The following PDCD6IP variants were observed in gnomAD, a reference collection of about 807,000 sequenced individuals.
PDCD6IP encodes programmed cell death 6 interacting protein.
In PDCD6IP, 43 loss-of-function variants were observed where a neutral mutation model predicts 103.7. That is an observed-to-expected ratio of 0.41 (90% CI 0.32 to 0.53). The LOEUF is 0.53. PDCD6IP is among the 20% of genes least tolerant of loss of function. PDCD6IP has a pLI of 0.16. For missense variants in PDCD6IP, 871 were observed against 1,036.7 expected, an observed-to-expected ratio of 0.84 and a Z score of 2.20; for synonymous variants, 354 against 378.7, an observed-to-expected ratio of 0.93 and a Z score of 0.76.
intron 1 of PDCD6IP, 173 bp downstream of exon 1, chr3:33,799,110 C>G (rs1696407799): frequency 1.5e-6 from 1 of 659,676 alleles, no homozygotes; most frequent in African/African-American, 1.8e-5. Flanking sequence ...ACCCGCCCTG[C>G]AGGCCCGCTG....
intron 7 of PDCD6IP, among the ~76,000 whole-genome samples, chr3:33,830,335 A>G (rs1697219339): frequency 6.6e-6 from 1 of 152,210 alleles, no homozygotes; most frequent in African/African-American, 2.4e-5. Context: ...AGGCTAGCAT[A>G]TTTAAATTGT....
Position 33,836,046 on chromosome 3 carries a change from T to C in PDCD6IP, c.837T>C (p.His279=), listed in dbSNP as rs529257366. ...GTTGTTGACGTTTTTCTTTTTAGCA[T>C]GCAGCAGAACTGATTAAAACAGTGG... The part of the protein sequence containing the change: ...KFGEEIARLQ[H]AAELIKTVAS... The change falls in exon 8 of 18, where the codon CAT becomes CAC. Residue 279 remains histidine, a splice_region_variant and synonymous_variant. Transcript: ENST00000307296. 4 of 1,511,050 alleles carry C rather than the reference T, an allele frequency of 2.6e-6. No individual in the cohort carries two copies. Among genetic ancestry groups the C allele is most frequent in the East Asian group, 2.3e-5 (1 of 43,788 alleles). 93.6% of individuals were successfully genotyped at this position (1,511,050 alleles called of 1,614,324 possible). A position where few individuals can be genotyped will look rare whatever the true frequency, so the allele number is the denominator to read the frequency against.
chr3:33,808,121 T>C (rs1487265191), intron 1 of PDCD6IP, among the ~76,000 whole-genome samples: 1 of 152,258 alleles, frequency 6.6e-6, no homozygotes, highest in Non-Finnish European at 1.5e-5. Flanking sequence ...ATCTAGTCTT[T>C]GCTTTCATGG....
intron 3 of PDCD6IP, among the ~76,000 whole-genome samples, chr3:33,816,295 A>C (rs935521371): frequency 6.6e-5 from 10 of 152,172 alleles, no homozygotes; most frequent in African/African-American, 2.4e-4. Context: ...TCACGAGGTC[A>C]GGAGTTTGAG....
intron 9 of PDCD6IP, among the ~76,000 whole-genome samples, chr3:33,841,612 G>A (rs1210688957): frequency 2.7e-5 from 4 of 150,152 alleles, no homozygotes; most frequent in Non-Finnish European, 3.0e-5. Flanking sequence ...CTAATTTTTT[G>A]TATTTTTAGT....
At chr3:33,866,125 T>C (rs1217163270) in intron 17 of PDCD6IP, among the ~76,000 whole-genome samples, 1 of 152,186 alleles carries the variant, frequency 6.6e-6, no homozygotes, top group Non-Finnish European at 1.5e-5. Context: ...TCAGTATTTA[T>C]TTTTGGATAG....
intron 1 of PDCD6IP, among the ~76,000 whole-genome samples, chr3:33,808,687 T>C (rs1286248282): frequency 3.9e-5 from 6 of 152,240 alleles, no homozygotes; most frequent in Admixed American, 3.3e-4. Context: ...TCTCTACTTC[T>C]GCTCGTGCAC....
rs575508951 is a variant in PDCD6IP at position 33,855,320 on chromosome 3, G to A, written c.2120+60G>A. ...GAATTTTCTTTTAAAAAATCATGTA[G>A]AGACTTTTGGTATGAACTTGGTAGT... On this transcript the variant is annotated intron_variant, in intron 15 of 17. Transcript: ENST00000307296. The A allele has an allele frequency of 7.6e-6, 8 of 1,057,700 alleles. No homozygotes were observed. The Admixed American group carries it at 1.3e-4, about 17-fold the overall frequency. The allele number at this position is 1,057,700 out of a possible 1,614,324, so 65.5% of individuals were successfully genotyped here. A position where few individuals can be genotyped will look rare whatever the true frequency, so the allele number is the denominator to read the frequency against.
At position 33,868,490 on chromosome 3, in the gene PDCD6IP, C is replaced by T. The variant is rs2125457771; in HGVS notation, c.*1965C>T. 6.5e-6 allele frequency: 1 copy of T among 152,970 alleles called. No individual in the cohort carries two copies. The highest frequency in any genetic ancestry group is 1.9e-4 in the East Asian group (1 of 5,174). The allele number at this position is 152,970 out of a possible 1,614,324, so 9.5% of individuals were successfully genotyped here. Reference sequence around the variant, plus strand: ...AGGAGGCCCCCACAGCTGATCCTGCCACAGCACACCTGACTCACTCGGCTC... The same window carrying T: ...AGGAGGCCCCCACAGCTGATCCTGCTACAGCACACCTGACTCACTCGGCTC... On this transcript the variant is annotated 3_prime_UTR_variant, in exon 18 of 18. Transcript: ENST00000307296.
At chr3:33,856,545 C>CAGTT (rs1211069155) in intron 15 of PDCD6IP, among the ~76,000 whole-genome samples, 7 of 152,100 alleles carry the variant, frequency 4.6e-5, no homozygotes, top group African/African-American at 1.7e-4. Context: ...CCAGATAGAA[C>CAGTT]AGTTATTTAA....
At chr3:33,813,848 G>A (rs189596121) in intron 3 of PDCD6IP, among the ~76,000 whole-genome samples, 5 of 152,280 alleles carry the variant, frequency 3.3e-5, no homozygotes, top group Admixed American at 1.3e-4. Flanking sequence ...TAAAACCGAT[G>A]TACTTAGTTT....
chr3:33,831,719 G>GT (rs755529129), intron 7 of PDCD6IP, among the ~76,000 whole-genome samples: 26 of 150,662 alleles, frequency 1.7e-4, no homozygotes, highest in African/African-American at 4.4e-4. Flanking sequence ...TTAATTTCTT[G>GT]TTTTTTTTCT....
chr3:33,865,841 G>C (rs12487378), intron 17 of PDCD6IP, among the ~76,000 whole-genome samples: 39,943 of 151,960 alleles, frequency 0.26, 5,534 homozygotes, highest in East Asian at 0.39. Context: ...ATTATGGGTT[G>C]CACTTTCTTA....
At chr3:33,813,042 A>C (rs1409982394) in intron 2 of PDCD6IP, among the ~76,000 whole-genome samples, 1 of 152,192 alleles carries the variant, frequency 6.6e-6, no homozygotes, top group Non-Finnish European at 1.5e-5. Flanking sequence ...TTTAATTTTC[A>C]TGTAGCATAT....
intron 8 of PDCD6IP, among the ~76,000 whole-genome samples, chr3:33,837,760 GTA>G (rs1430041979): frequency 6.6e-6 from 1 of 152,060 alleles, no homozygotes; most frequent in Non-Finnish European, 1.5e-5. Flanking sequence ...GCTAATTTTT[GTA>G]TTTTTAGTAG....
intron 3 of PDCD6IP, among the ~76,000 whole-genome samples, chr3:33,818,299 G>T (rs1696904464): frequency 6.7e-6 from 1 of 149,820 alleles, no homozygotes; most frequent in South Asian, 2.1e-4. Flanking sequence ...GTAGAGACGG[G>T]GTTTCACCAT....
At chr3:33,831,244 C>T (rs140975893) in intron 7 of PDCD6IP, among the ~76,000 whole-genome samples, 69 of 152,162 alleles carry the variant, frequency 4.5e-4, no homozygotes, top group Middle Eastern at 3.4e-3. Flanking sequence ...CACACACACA[C>T]ACACACACAG....
chr3:33,801,166 A>T (rs1158412812), intron 1 of PDCD6IP, among the ~76,000 whole-genome samples: 1 of 152,210 alleles, frequency 6.6e-6, no homozygotes, highest in Non-Finnish European at 1.5e-5. Context: ...TAGGTACAAA[A>T]GTTTTGTAGG....
intron 1 of PDCD6IP, among the ~76,000 whole-genome samples, chr3:33,800,928 A>AT (rs1696463443): frequency 6.6e-6 from 1 of 152,136 alleles, no homozygotes; most frequent in South Asian, 2.1e-4. Context: ...AACTTAATTC[A>AT]TTTGTTCCTT....
Sources: allele counts gnomAD v4.1 joint callset (sites outside exome capture counted in the v4.1 genomes callset), GRCh38; gene constraint gnomAD v4.1.1; transcripts MANE v1.5; gene names NCBI Gene and HGNC (gene_info 2026-07-23, HGNC 2026-07-21).